Variants in TOP3A observed in about 807,000 individuals in gnomAD.
The protein encoded by TOP3A is DNA topoisomerase III alpha, also known as DNA topoisomerase 3-alpha.
In TOP3A, 64 loss-of-function variants were observed where a neutral mutation model predicts 111.3. The observed-to-expected ratio is 0.57, with a 90% CI of 0.47 to 0.71. The LOEUF is 0.71. TOP3A is among the 30% of genes least tolerant of loss of function. The pLI is 0.00. For missense variants in TOP3A, 1,104 were observed against 1,285.0 expected (o/e 0.86, Z 2.15); for synonymous variants, 484 against 485.1 (o/e 1.00, Z 0.03).
chr17:18,299,737 G>A (rs558365074), intron 8 of TOP3A, 104 bp from the exon 9 acceptor site: 37 of 1,044,938 alleles, frequency 3.5e-5, no homozygotes, highest in South Asian at 1.8e-4. Flanking sequence ...ACTGACCACC[G>A]CCAGCTAAGC....
At chr17:18,295,432 G>C (rs987388551) in intron 9 of TOP3A, among the ~76,000 whole-genome samples, 1 of 151,812 alleles carries the variant, frequency 6.6e-6, no homozygotes, top group Non-Finnish European at 1.5e-5. Context: ...ACAGAAGTGA[G>C]CCACCACGTC....
chr17:18,292,907 T>C, intron 10 of TOP3A, 55 bp from the exon 11 acceptor site: 1 of 1,515,280 alleles, frequency 6.6e-7, no homozygotes, highest in Admixed American at 1.9e-5. Flanking sequence ...CTGATTGGTC[T>C]ATAAACAACT....
At chr17:18,297,557 C>T (rs374758735) in intron 9 of TOP3A, among the ~76,000 whole-genome samples, 217 of 152,284 alleles carry the variant, frequency 1.4e-3, no homozygotes, top group African/African-American at 4.9e-3. Context: ...GGACTGCCTG[C>T]GATTGCAGGC....
At chr17:18,296,074 A>C (rs66903818) in intron 9 of TOP3A, among the ~76,000 whole-genome samples, 54,670 of 151,866 alleles carry the variant, frequency 0.36, 10,836 homozygotes, top group African/African-American at 0.52. Flanking sequence ...CCCGAAATCT[A>C]CATTTTTTAA....
chr17:18,272,667 TGTCATG>T lies in TOP3A; in HGVS notation c.*2129_*2134del, dbSNP rs1979069259. On this transcript the variant is annotated 3_prime_UTR_variant, in exon 19 of 19. Coordinates refer to ENST00000321105, the MANE Select transcript of TOP3A (RefSeq NM_004618.5). ...CAAGTCAAAGAAACCAGACACAGGA[TGTCATG>T]TATGGTAGGATTTCATTTTTTTTTT... is the stretch of plus-strand genomic sequence containing the variant. Among the ~76,000 whole-genome samples, 1 of 151,078 alleles carries T rather than the reference TGTCATG, an allele frequency of 6.6e-6. No individual in the cohort carries two copies. Among genetic ancestry groups the T allele is most frequent in the African/African-American group, 2.4e-5 (1 of 40,896 alleles).
At chr17:18,279,999 A>G (rs1979652535) in intron 17 of TOP3A, among the ~76,000 whole-genome samples, 1 of 152,068 alleles carries the variant, frequency 6.6e-6, no homozygotes, top group Admixed American at 6.6e-5. Context: ...AAAAATACAA[A>G]AAGTGGTCAG....
Position 18,282,696 on chromosome 17 carries a change from A to T in TOP3A, c.2021+2T>A. 2 of 1,612,358 alleles carry T rather than the reference A, an allele frequency of 1.2e-6. No homozygotes were observed. Among genetic ancestry groups the T allele is most frequent in the Non-Finnish European group, 1.7e-6 (2 of 1,179,710 alleles). On this transcript the variant is annotated splice_donor_variant, in intron 16 of 18. Transcript: ENST00000321105. LOFTEE classifies it high-confidence loss of function. The stretch of plus-strand genomic sequence containing the variant: ...GGTGGGGGCAGAAGGCAGCGCACTC[A>T]CCCGCCATTCTTCTTGGTCTTAAGG...
Position 18,285,451 on chromosome 17 carries a change from T to A in TOP3A, c.1667A>T (p.Asp556Val), listed in dbSNP as rs771185283. ...CAGGTGCCCAGGGAGGAACCGCTTGTCTGGGGTGAGGCCCACGTACATCCG... is the reference window on the plus strand; with the variant it reads ...CAGGTGCCCAGGGAGGAACCGCTTGACTGGGGTGAGGCCCACGTACATCCG... ...KARMYVGLTP[D>V]KRFLPGHLGM... Residue 556 changes from aspartate to valine, a missense_variant, in exon 14 of 19, where the codon GAC (aspartate) becomes GTC (valine). By Grantham distance (152) the Asp-to-Val change is radical. Coordinates refer to ENST00000321105, the MANE Select transcript of TOP3A (RefSeq NM_004618.5). 1.2e-6 allele frequency: 2 copies of A among 1,614,092 alleles called. No homozygotes were observed. The highest frequency in any genetic ancestry group is 1.1e-5 in the South Asian group (1 of 91,076).
Position 18,299,714 on chromosome 17 carries a change from CCTT to C in TOP3A, c.916-84_916-82del, listed in dbSNP as rs1981104734. ...CTTCCTATGGATAGCCCATGCCAAT[CCTT>C]CTAGATCACACTGACCACCGCCAGC... On this transcript the variant is annotated intron_variant, in intron 8 of 18. Transcript: ENST00000321105. The C allele has an allele frequency of 3.0e-6, 4 of 1,332,346 alleles. No individual in the cohort carries two copies. In the Admixed American group the frequency reaches 5.1e-5, roughly 17 times the overall value. 82.5% of individuals were successfully genotyped at this position (1,332,346 alleles called of 1,614,324 possible).
intron 16 of TOP3A, among the ~76,000 whole-genome samples, chr17:18,281,937 G>T (rs1597958384): frequency 6.6e-6 from 1 of 152,288 alleles, no homozygotes; most frequent in South Asian, 2.1e-4. Flanking sequence ...GCCTTGCAGG[G>T]TAGTTAGGAG....
chr17:18,314,744 C>T lies in TOP3A; in HGVS notation c.35G>A (p.Trp12Ter). Residue 12 changes from tryptophan to a stop codon, truncating the protein, a stop_gained, in exon 1 of 19, where the codon TGG (tryptophan) becomes TAG (stop). Coordinates refer to ENST00000321105, the MANE Select transcript of TOP3A (RefSeq NM_004618.5). LOFTEE classifies it high-confidence loss of function. Reference protein sequence around the residue: ...IFPVARYALRWLRRPEDRAFS... With the variant: ...IFPVARYALR ...GGCACGGTCTTCGGGCCGTCGCAGCCACCGGAGCGCGTAGCGGGCGACAGG... is the reference window on the plus strand; with the variant it reads ...GGCACGGTCTTCGGGCCGTCGCAGCTACCGGAGCGCGTAGCGGGCGACAGG... 3 of 1,571,142 alleles carry T rather than the reference C, an allele frequency of 1.9e-6. No individual in the cohort carries two copies. The highest frequency in any genetic ancestry group is 2.6e-6 in the Non-Finnish European group (3 of 1,158,582).
At chr17:18,295,503 C>T (rs1034523961) in intron 9 of TOP3A, among the ~76,000 whole-genome samples, 2 of 151,900 alleles carry the variant, frequency 1.3e-5, no homozygotes, top group African/African-American at 4.8e-5. Flanking sequence ...CTCTTGTTGC[C>T]CAGACTGCAG....
rs1979492888 is a variant in TOP3A, at chr17:18,277,958, C to A, written c.2544G>T (p.Trp848Cys). 6.2e-7 allele frequency: 1 copy of A among 1,613,866 alleles called. No homozygotes were observed. The highest frequency in any genetic ancestry group is 8.5e-7 in the Non-Finnish European group (1 of 1,180,042). The change falls in exon 18 of 19, where the codon TGG becomes TGT. Residue 848 changes from tryptophan to cysteine, a missense_variant. Trp to Cys is a radical substitution (Grantham distance 215). Coordinates refer to ENST00000321105, the MANE Select transcript of TOP3A (RefSeq NM_004618.5). ...CTGCTCCCGGATTGGGGCTGTCTGC[C>A]CACAGGAAGAAGTTGCAGCTACCTC... is the stretch of plus-strand genomic sequence containing the variant. ...CNGGSCNFFLWADSPNPGAGG... is the reference protein window; with the variant it reads ...CNGGSCNFFLCADSPNPGAGG...
chr17:18,314,046 T>A (rs2142992610), intron 1 of TOP3A, among the ~76,000 whole-genome samples: 1 of 152,210 alleles, frequency 6.6e-6, no homozygotes, highest in African/African-American at 2.4e-5. Context: ...TTCATTCGGG[T>A]AGGAACAGGG....
intron 10 of TOP3A, 118 bp downstream of exon 10, chr17:18,294,585 C>T: frequency 4.2e-6 from 3 of 719,580 alleles, no homozygotes; most frequent in Non-Finnish European, 7.2e-6. Flanking sequence ...GCCTCAGCCA[C>T]CCAAAGTGAT....
Position 18,285,267 on chromosome 17 carries a change from G to A in TOP3A, c.1752C>T (p.Leu584=), listed in dbSNP as rs1028145580. 2 of 1,614,064 alleles carry A rather than the reference G, an allele frequency of 1.2e-6. No homozygotes were observed. Among genetic ancestry groups the A allele is most frequent in the African/African-American group, 1.3e-5 (1 of 74,904 alleles). ...SMGYEMSKPD[L]RAELEADLKL... The stretch of plus-strand genomic sequence containing the variant: ...TCAGATCAGCTTCCAGTTCAGCCCG[G>A]AGGTCAGGCTTAGACATTTCATAGC... Residue 584 remains leucine, a synonymous_variant, in exon 15 of 19, where the codon CTC becomes CTT. Coordinates refer to ENST00000321105, the MANE Select transcript of TOP3A (RefSeq NM_004618.5).
intron 16 of TOP3A, 51 bp from the exon 17 acceptor site, chr17:18,280,709 G>A (rs775294584): frequency 3.8e-6 from 6 of 1,596,886 alleles, no homozygotes; most frequent in East Asian, 2.2e-5. Flanking sequence ...GATGCTCTCC[G>A]CTGTTGGCCA....
intron 13 of TOP3A, among the ~76,000 whole-genome samples, chr17:18,289,747 T>G (rs1980351738): frequency 6.6e-6 from 1 of 152,246 alleles, no homozygotes; most frequent in Admixed American, 6.5e-5. Flanking sequence ...TAATTTTACC[T>G]AAACCTGCAG....
chr17:18,308,784 T>C (rs1981740192), intron 2 of TOP3A, 98 bp downstream of exon 2: 1 of 724,718 alleles, frequency 1.4e-6, no homozygotes, highest in Admixed American at 3.3e-5. Flanking sequence ...TTGTTAACAG[T>C]TGTTATTCTT....
Sources: allele counts gnomAD v4.1 joint callset (sites outside exome capture counted in the v4.1 genomes callset), GRCh38; gene constraint gnomAD v4.1.1; transcripts MANE v1.5; gene names NCBI Gene and HGNC (gene_info 2026-07-23, HGNC 2026-07-21).